POC1B: variants seen among roughly 807,000 people sequenced by gnomAD.
POC1B encodes POC1 centriolar protein B, also known as POC1 centriolar protein homolog B.
Under a neutral mutation model 60.6 loss-of-function variants are expected in POC1B, and 44 were observed. That is an observed-to-expected ratio of 0.73 (90% CI 0.57 to 0.93). POC1B has a LOEUF of 0.93. POC1B is among the 40% of genes least tolerant of loss of function. The probability of loss-of-function intolerance (pLI) is 0.00; values close to 1 mark genes in which losing one functional copy is unlikely to be tolerated. For synonymous variants in POC1B, 180 were observed against 198.9 expected, an observed-to-expected ratio of 0.90 and a Z score of 0.80; for missense variants, 555 against 572.3, an observed-to-expected ratio of 0.97 and a Z score of 0.31.
At chr12:89,407,617 T>C in the POC1B span, among the ~76,000 whole-genome samples, 1 of 152,134 alleles carries the variant, frequency 6.6e-6, no homozygotes, top group Non-Finnish European at 1.5e-5. Flanking sequence ...AAACAAAACA[T>C]GTCTATTGGT....
At chr12:89,430,476 A>G (rs1880984027) in intron 10 of POC1B, among the ~76,000 whole-genome samples, 1 of 152,166 alleles carries the variant, frequency 6.6e-6, no homozygotes, top group African/African-American at 2.4e-5. Context: ...CATCTAAACT[A>G]TTATTATTTA....
chr12:89,509,669 A>G (rs1870080606), intron 2 of POC1B, among the ~76,000 whole-genome samples: 2 of 152,224 alleles, frequency 1.3e-5, no homozygotes, highest in African/African-American at 4.8e-5. Context: ...CTAATCTAAC[A>G]CCACAGAATA....
At chr12:89,467,373 T>C (rs946728584) in intron 8 of POC1B, among the ~76,000 whole-genome samples, 1 of 152,168 alleles carries the variant, frequency 6.6e-6, no homozygotes, top group Non-Finnish European at 1.5e-5. Context: ...AGTGGACATA[T>C]AGTGTCAGTT....
intron 10 of POC1B, among the ~76,000 whole-genome samples, chr12:89,448,708 A>G (rs1881898663): frequency 6.6e-6 from 1 of 152,244 alleles, no homozygotes; most frequent in South Asian, 2.1e-4. Context: ...ACAACCTATG[A>G]TGAGCATGCC....
chr12:89,402,826 G>C, the POC1B span, among the ~76,000 whole-genome samples: 9 of 151,474 alleles, frequency 5.9e-5, no homozygotes, highest in African/African-American at 1.7e-4. Flanking sequence ...TGCAACCTTC[G>C]CCTCCCAGGT....
Position 89,448,075 on chromosome 12 carries a change from T to C in POC1B, c.1113+11563A>G, listed in dbSNP as rs1881865630. Among the ~76,000 whole-genome samples the C allele has an allele frequency of 2.0e-5, 3 of 152,144 alleles. No homozygotes were observed. The South Asian group carries it at 6.2e-4, about 31-fold the overall frequency. ...TGTATCACGGACTTGGGCTTTCTTT[T>C]GAGCCTTGCCCCCAAGATTTCCAAC... On this transcript the variant is annotated intron_variant, in intron 10 of 11. Coordinates refer to ENST00000313546, the MANE Select transcript of POC1B (RefSeq NM_172240.3).
At chr12:89,509,597 A>G (rs1291436437) in intron 2 of POC1B, among the ~76,000 whole-genome samples, 5 of 152,234 alleles carry the variant, frequency 3.3e-5, no homozygotes, top group Non-Finnish European at 7.3e-5. Context: ...CTATAAATAG[A>G]AAGCTATTAT....
In POC1B at chr12:89,468,386, G is replaced by T. The variant is rs1035630005; in HGVS notation, c.811-701C>A. Among the ~76,000 whole-genome samples the T allele has an allele frequency of 1.4e-4, 21 of 152,252 alleles. 1 individual carries two copies. Among genetic ancestry groups the T allele is most frequent in the South Asian group, 1.2e-3 (6 of 4,824 alleles). ...GCCTCTAGGTCAATTTTTCAGTCCA[G>T]ATAAGAGTAAGTATTTCTTATCTCA... On this transcript the variant is annotated intron_variant, in intron 7 of 11. Transcript: ENST00000313546.
At chr12:89,469,895 G>A (rs1882822729) in intron 7 of POC1B, among the ~76,000 whole-genome samples, 1 of 148,528 alleles carries the variant, frequency 6.7e-6, no homozygotes, top group Non-Finnish European at 1.5e-5. Context: ...TTTTTTGACA[G>A]TCTTGCTCTG....
intron 2 of POC1B, among the ~76,000 whole-genome samples, chr12:89,497,700 G>C (rs1869327817): frequency 6.6e-6 from 1 of 152,190 alleles, no homozygotes; most frequent in Admixed American, 6.5e-5. Context: ...GTTAACCTCT[G>C]TGTCATGATG....
At chr12:89,471,100 A>C (rs1032286326) in intron 6 of POC1B, among the ~76,000 whole-genome samples, 1 of 152,216 alleles carries the variant, frequency 6.6e-6, no homozygotes, top group Non-Finnish European at 1.5e-5. Flanking sequence ...CCTCCTAGGA[A>C]TATTGTTTAG....
chr12:89,481,354 T>C (rs1474484757), intron 4 of POC1B, among the ~76,000 whole-genome samples: 2 of 152,164 alleles, frequency 1.3e-5, no homozygotes, highest in African/African-American at 4.8e-5. Flanking sequence ...GCCAAATATA[T>C]GAAGCAACTG....
intron 2 of POC1B, among the ~76,000 whole-genome samples, chr12:89,503,097 C>CTA (rs1869666796): frequency 6.6e-6 from 1 of 152,054 alleles, no homozygotes; most frequent in African/African-American, 2.4e-5. Context: ...ATCCCTATCC[C>CTA]TATCCCTATC....
At chr12:89,497,129 T>G (rs768747450) in intron 3 of POC1B, 42 bp downstream of exon 3, 1 of 1,583,484 alleles carries the variant, frequency 6.3e-7, no homozygotes, top group Non-Finnish European at 8.6e-7. Context: ...CTTTCACATT[T>G]CCAAATCCAA....
In POC1B at chr12:89,467,667, A is replaced by C. The variant is rs763912895; in HGVS notation, c.829T>G (p.Ser277Ala). 5 of 1,612,074 alleles carry C rather than the reference A, an allele frequency of 3.1e-6. No homozygotes were observed. Reference protein sequence around the residue: ...QGHTGPVFTVSFSKGGELFAS... With the variant: ...QGHTGPVFTVAFSKGGELFAS... ...AATAGCTCTCCACCTTTTGAAAATGAAACAGTAAAGACAGGTCCCTGAGAA... is the reference window on the plus strand; with the variant it reads ...AATAGCTCTCCACCTTTTGAAAATGCAACAGTAAAGACAGGTCCCTGAGAA... The change falls in exon 8 of 12, where the codon TCA (serine) becomes GCA (alanine). Residue 277 changes from serine to alanine, a missense_variant. Ser to Ala is a moderately conservative substitution (Grantham distance 99, BLOSUM62 1). Coordinates refer to ENST00000313546, the MANE Select transcript of POC1B (RefSeq NM_172240.3).
intron 10 of POC1B, among the ~76,000 whole-genome samples, chr12:89,439,472 T>C (rs549482931): frequency 6.6e-6 from 1 of 152,326 alleles, no homozygotes; most frequent in East Asian, 1.9e-4. Flanking sequence ...GGGATCTTAT[T>C]AAAATGCAGG....
rs547120401 is a variant in POC1B, at chr12:89,431,111, C to T, written c.1114-5732G>A. The stretch of plus-strand genomic sequence containing the variant: ...TGGATTTTTCTAACAAATGTGAGTG[C>T]AAAAGTAGGCATTTCACATGTAAAG... On this transcript the variant is annotated intron_variant, in intron 10 of 11. Transcript: ENST00000313546. Among the ~76,000 whole-genome samples the T allele has an allele frequency of 4.6e-4, 69 of 151,628 alleles. No homozygotes were observed. In the Middle Eastern group the frequency reaches 0.01, roughly 22 times the overall value.
intron 11 of POC1B, 125 bp downstream of exon 11, chr12:89,425,036 T>C (rs1004583740): frequency 7.6e-6 from 7 of 921,720 alleles, no homozygotes; most frequent in Non-Finnish European, 1.2e-5. Flanking sequence ...CATTGCCACC[T>C]TGAGTTTGCT....
chr12:89,456,402 C>T (rs939053078), intron 10 of POC1B, among the ~76,000 whole-genome samples: 1 of 152,096 alleles, frequency 6.6e-6, no homozygotes, highest in South Asian at 2.1e-4. Flanking sequence ...TGGGACATCC[C>T]GTGTAGCCAC....
Sources: allele counts gnomAD v4.1 joint callset (sites outside exome capture counted in the v4.1 genomes callset), GRCh38; gene constraint gnomAD v4.1.1; transcripts MANE v1.5; gene names NCBI Gene and HGNC (gene_info 2026-07-23, HGNC 2026-07-21).